GPC5: variants seen among roughly 807,000 people sequenced by gnomAD.
GPC5 encodes glypican-5.
Under a neutral mutation model 53.9 loss-of-function variants are expected in GPC5, and 47 were observed. The ratio of observed to expected loss-of-function variants is 0.87; its 90% CI spans 0.69 to 1.11. The LOEUF is 1.11. Ranked by LOEUF, GPC5 falls within the 50% of genes most tolerant of loss-of-function variation. The probability of loss-of-function intolerance (pLI) is 0.00; values close to 1 mark genes in which losing one functional copy is unlikely to be tolerated. For synonymous variants in GPC5, 286 were observed against 263.3 expected (o/e 1.09, Z -0.84); for missense variants, 748 against 713.1 (o/e 1.05, Z -0.56).
intron 2 of GPC5, among the ~76,000 whole-genome samples, chr13:91,663,154 G>T (rs558637759): frequency 4.5e-4 from 69 of 152,280 alleles, no homozygotes; most frequent in African/African-American, 1.6e-3. Context: ...CCAGTACTTA[G>T]TTCAGTATGG....
intron 7 of GPC5, among the ~76,000 whole-genome samples, chr13:92,171,383 A>G (rs943539063): frequency 6.6e-6 from 1 of 151,822 alleles, no homozygotes; most frequent in African/African-American, 2.4e-5. Flanking sequence ...ACACACACAC[A>G]CCCCTATATT....
intron 7 of GPC5, among the ~76,000 whole-genome samples, chr13:92,269,987 AT>A (rs2042829036): frequency 6.6e-6 from 1 of 152,106 alleles, no homozygotes; most frequent in Non-Finnish European, 1.5e-5. Flanking sequence ...TGATTTTGTC[AT>A]GTGGAGACCC....
chr13:92,150,011 A>G (rs1035010318), intron 7 of GPC5, among the ~76,000 whole-genome samples: 1 of 152,022 alleles, frequency 6.6e-6, no homozygotes, highest in Non-Finnish European at 1.5e-5. Flanking sequence ...ACCAAATTTA[A>G]TCAAAATAAA....
chr13:92,020,379 G>A (rs913090570), intron 6 of GPC5, among the ~76,000 whole-genome samples: 10 of 152,092 alleles, frequency 6.6e-5, no homozygotes, highest in Admixed American at 3.3e-4. Context: ...GAATTTTTAA[G>A]TTTGTTGTTA....
At chr13:91,537,360 C>G (rs906304259) in intron 2 of GPC5, among the ~76,000 whole-genome samples, 7 of 152,068 alleles carry the variant, frequency 4.6e-5, no homozygotes, top group Non-Finnish European at 4.4e-5. Context: ...GACTTAACTA[C>G]TGACTTCACA....
chr13:91,490,110 G>T (rs1883857050), intron 2 of GPC5, among the ~76,000 whole-genome samples: 1 of 152,106 alleles, frequency 6.6e-6, no homozygotes, highest in Non-Finnish European at 1.5e-5. Context: ...TAAAGGATAG[G>T]GTGTGTAAAT....
At chr13:92,289,681 G>A (rs61966614) in intron 7 of GPC5, among the ~76,000 whole-genome samples, 7 of 151,814 alleles carry the variant, frequency 4.6e-5, no homozygotes, top group African/African-American at 1.2e-4. Flanking sequence ...GGATGAGTAC[G>A]CTTCACCACT....
At chr13:91,867,593 C>T (rs770718728) in intron 5 of GPC5, among the ~76,000 whole-genome samples, 2 of 152,084 alleles carry the variant, frequency 1.3e-5, no homozygotes, top group East Asian at 1.9e-4. Context: ...TGTGTTTGTC[C>T]CTATCACAAA....
intron 3 of GPC5, among the ~76,000 whole-genome samples, chr13:91,708,378 C>T (rs2036154706): frequency 6.6e-6 from 1 of 151,284 alleles, no homozygotes; most frequent in South Asian, 2.1e-4. Flanking sequence ...GTCTAATGGC[C>T]TCCTAATTAA....
At chr13:91,968,395 CAACT>C (rs2040209374) in intron 6 of GPC5, among the ~76,000 whole-genome samples, 1 of 152,054 alleles carries the variant, frequency 6.6e-6, no homozygotes, top group Non-Finnish European at 1.5e-5. Context: ...AATTGCAACT[CAACT>C]GTGTTGAAAT....
chr13:91,638,780 C>A (rs2034347605), intron 2 of GPC5, among the ~76,000 whole-genome samples: 1 of 151,930 alleles, frequency 6.6e-6, no homozygotes, highest in Admixed American at 6.6e-5. Context: ...AATAATATAC[C>A]CCAAATGAGA....
chr13:91,750,824 G>A (rs542551833), intron 4 of GPC5, among the ~76,000 whole-genome samples: 6 of 151,848 alleles, frequency 4.0e-5, no homozygotes, highest in African/African-American at 7.2e-5. Flanking sequence ...CACCATGCCC[G>A]GCTAATTTTG....
rs144281912 is a variant in GPC5, at chr13:92,162,781, C to G, written c.1561+17792C>G. 1.8e-4 allele frequency among the ~76,000 whole-genome samples: 28 copies of G among 152,262 alleles called. No homozygotes were observed. In the East Asian group the frequency reaches 5.4e-3, roughly 29 times the overall value. ...TAAGGGCCTATCACAGAAATCCAGA[C>G]AAATAAGTTGATGACATAAATGACA... On this transcript the variant is annotated intron_variant, in intron 7 of 7. Coordinates refer to ENST00000377067, the MANE Select transcript of GPC5 (RefSeq NM_004466.6).
intron 6 of GPC5, among the ~76,000 whole-genome samples, chr13:92,027,563 T>C (rs1189491754): frequency 6.6e-6 from 1 of 152,180 alleles, no homozygotes; most frequent in African/African-American, 2.4e-5. Flanking sequence ...ATTATCTAAC[T>C]TCATTTCCAC....
intron 5 of GPC5, among the ~76,000 whole-genome samples, chr13:91,829,042 C>T (rs747555334): frequency 1.3e-5 from 2 of 151,964 alleles, no homozygotes; most frequent in Non-Finnish European, 2.9e-5. Context: ...ATGAATTTTA[C>T]AGTGGATAAA....
intron 7 of GPC5, among the ~76,000 whole-genome samples, chr13:92,217,972 C>T (rs1225419665): frequency 7.8e-6 from 1 of 127,950 alleles, no homozygotes; most frequent in Non-Finnish European, 1.5e-5. Context: ...GACTGGAGTG[C>T]AGTGGTGTGA....
intron 3 of GPC5, among the ~76,000 whole-genome samples, chr13:91,715,660 C>T (rs980550991): frequency 6.6e-6 from 1 of 151,464 alleles, no homozygotes; most frequent in Admixed American, 6.6e-5. Context: ...ATAACTATAA[C>T]AATAGAAATA....
At chr13:92,235,410 A>C (rs906073488) in intron 7 of GPC5, among the ~76,000 whole-genome samples, 4 of 152,040 alleles carry the variant, frequency 2.6e-5, no homozygotes, top group African/African-American at 7.2e-5. Context: ...AATTTTGTTT[A>C]AGTTGTTGTT....
At chr13:92,859,226 G>A (rs887271868) in intron 7 of GPC5, among the ~76,000 whole-genome samples, 1 of 152,142 alleles carries the variant, frequency 6.6e-6, no homozygotes, top group South Asian at 2.1e-4. Flanking sequence ...TCCAGCATGG[G>A]CAACATAGAA....
Sources: allele counts gnomAD v4.1 joint callset (sites outside exome capture counted in the v4.1 genomes callset), GRCh38; gene constraint gnomAD v4.1.1; transcripts MANE v1.5; gene names NCBI Gene and HGNC (gene_info 2026-07-23, HGNC 2026-07-21).